PRDM14: variants seen among roughly 807,000 people sequenced by gnomAD.
PRDM14 encodes PR domain zinc finger protein 14.
Under a neutral mutation model 48.0 loss-of-function variants are expected in PRDM14, and 16 were observed. That is an observed-to-expected ratio of 0.33 (90% confidence interval 0.23 to 0.51). PRDM14 has a LOEUF of 0.51. PRDM14 is among the 20% of genes least tolerant of loss of function. PRDM14 has a pLI of 0.97. For missense variants in PRDM14, 566 were observed against 719.6 expected (o/e 0.79, Z 2.44); for synonymous variants, 264 against 276.6 (o/e 0.95, Z 0.45).
chr8:70,056,126 A>G (rs1805468228), intron 6 of PRDM14, among the ~76,000 whole-genome samples: 1 of 152,254 alleles, frequency 6.6e-6, no homozygotes, highest in Admixed American at 6.5e-5. Flanking sequence ...GTAAGCCAAC[A>G]TGGTAATGCA....
At chr8:70,057,835 A>G (rs888519852) in intron 6 of PRDM14, among the ~76,000 whole-genome samples, 2 of 152,204 alleles carry the variant, frequency 1.3e-5, no homozygotes, top group African/African-American at 4.8e-5. Flanking sequence ...GGAGTATATA[A>G]TATAGTGATT....
chr8:70,052,834 C>A (rs1805409244), intron 7 of PRDM14, among the ~76,000 whole-genome samples: 1 of 129,154 alleles, frequency 7.7e-6, no homozygotes, highest in East Asian at 2.2e-4. Flanking sequence ...CACTGTACTC[C>A]AGCCTGGGTG....
rs753184789 is a variant in PRDM14 at position 70,068,353 on chromosome 8, GA to G, written c.788del (p.Val263AlafsTer31). On this transcript the variant is annotated frameshift_variant, in exon 4 of 8. Transcript: ENST00000276594. LOFTEE classifies it high-confidence loss of function. ...TACTGCAGAACACACCAAAATGTGG[GA>G]CTTCACCAAACACCGTCTGCATGAG... Reference protein sequence around the residue: ...LCLMQTVFGEVPHFGVFCSSF... With the variant: ...LCLMQTVFGEXPHFGVFCSSF... 2 of 1,614,190 alleles carry G rather than the reference GA, an allele frequency of 1.2e-6. No individual in the cohort carries two copies. The highest frequency in any genetic ancestry group is 2.2e-5 in the South Asian group (2 of 91,084).
chr8:70,061,078 ATC>A (rs1653393488), intron 5 of PRDM14, among the ~76,000 whole-genome samples: 1 of 152,174 alleles, frequency 6.6e-6, no homozygotes, highest in South Asian at 2.1e-4. Flanking sequence ...TGAGAGGTAA[ATC>A]TGTTTTTATC....
chr8:70,066,213 C>T (rs772472615), intron 5 of PRDM14, 22 bp downstream of exon 5: 2 of 1,605,372 alleles, frequency 1.2e-6, no homozygotes, highest in East Asian at 2.2e-5. Flanking sequence ...CCTCATTGGG[C>T]AAGGCGAGGG....
intron 5 of PRDM14, among the ~76,000 whole-genome samples, chr8:70,064,090 T>A (rs1020025418): frequency 1.3e-5 from 2 of 152,134 alleles, no homozygotes; most frequent in African/African-American, 4.8e-5. Flanking sequence ...GGGCTTATGA[T>A]GGTTCAGTGG....
intron 2 of PRDM14, 44 bp downstream of exon 2, chr8:70,069,117 A>T (rs375522451): frequency 2.1e-6 from 3 of 1,415,318 alleles, no homozygotes; most frequent in Non-Finnish European, 2.8e-6. Flanking sequence ...TCCCGCCTGC[A>T]TTCCCGTCCA....
chr8:70,052,134 T>G lies in PRDM14; in HGVS notation c.1659A>C (p.Lys553Asn). 1 of 1,613,022 alleles carries G rather than the reference T, an allele frequency of 6.2e-7. No individual in the cohort carries two copies. The highest frequency in any genetic ancestry group is 8.5e-7 in the Non-Finnish European group (1 of 1,179,894). ...DDGCSCSICG[K>N]IFSDQETFYS... ...AGAATGTTTCTTGATCTGAGAAGATTTTCCCACAGATGCTGCATGAGCAGC... is the reference window on the plus strand; with the variant it reads ...AGAATGTTTCTTGATCTGAGAAGATGTTCCCACAGATGCTGCATGAGCAGC... Residue 553 changes from lysine to asparagine, a missense_variant, in exon 8 of 8, where the codon AAA becomes AAC. Physicochemically the swap from Lys to Asn is moderately conservative, Grantham distance 94 (BLOSUM62 0). Transcript: ENST00000276594.
At chr8:70,059,808 T>C (rs113018083) in intron 5 of PRDM14, among the ~76,000 whole-genome samples, 5 of 152,238 alleles carry the variant, frequency 3.3e-5, no homozygotes, top group Non-Finnish European at 7.4e-5. Flanking sequence ...AAAAGCATAA[T>C]TGTGACCAGG....
Position 70,052,210 on chromosome 8 carries a change from G to C in PRDM14, c.1583C>G (p.Ser528Cys), listed in dbSNP as rs770947642. ...KCKYCGKSFA[S>C]HAAHDSHVRR... ...GACATGGCTGTCATGGGCAGCATGG[G>C]ATGCAAAAGATTTACCACAGTACTT... Residue 528 changes from serine (S) to cysteine (C), a missense_variant, in exon 8 of 8, where the codon TCC (serine) becomes TGC (cysteine). Transcript: ENST00000276594. The C allele has an allele frequency of 6.2e-7, 1 of 1,614,056 alleles. No individual in the cohort carries two copies. The highest frequency in any genetic ancestry group is 8.5e-7 in the Non-Finnish European group (1 of 1,180,010).
At chr8:70,069,020 G>T in intron 2 of PRDM14, 141 bp downstream of exon 2, 1 of 667,188 alleles carries the variant, frequency 1.5e-6, no homozygotes, top group Non-Finnish European at 2.5e-6. Flanking sequence ...GCCTAGAACA[G>T]CCCTGGCTCT....
In PRDM14 at chr8:70,066,257, C is replaced by T. The variant is rs909536854; in HGVS notation, c.1161G>A (p.Lys387=). 6.8e-6 allele frequency: 11 copies of T among 1,613,658 alleles called. No homozygotes were observed. The highest frequency in any genetic ancestry group is 2.7e-5 in the African/African-American group (2 of 74,912). Residue 387 remains lysine, a synonymous_variant, in exon 5 of 8, where the codon AAG becomes AAA. Transcript: ENST00000276594. ...CACCTTCAGAGGGCCCAGATGGCTG[C>T]TTCCCCGGCTCTGTGACCTGAAGGC... The part of the protein sequence containing the change: ...PVSLQVTEPG[K]QPSGPSEESA...
chr8:70,055,591 G>C (rs1805460610), intron 6 of PRDM14, among the ~76,000 whole-genome samples, 190 bp from the exon 7 acceptor site: 1 of 151,422 alleles, frequency 6.6e-6, no homozygotes, highest in African/African-American at 2.4e-5. Flanking sequence ...CTGCAGCCTG[G>C]AACTCCCAGG....
rs141639653 is a variant in PRDM14, at chr8:70,053,509, G to C, written c.1489-1205C>G. ...AGGTTCAAGCGATTCTAGTGCCTCA[G>C]CCTCCCAAGTAGCTGGAATTACAGG... On this transcript the variant is annotated intron_variant, in intron 7 of 7. Transcript: ENST00000276594. Among the ~76,000 whole-genome samples, 844 of 152,206 alleles carry C rather than the reference G, an allele frequency of 5.5e-3. 6 individuals are homozygous for C. The highest frequency in any genetic ancestry group is 0.02 in the African/African-American group (810 of 41,532).
At chr8:70,070,468 C>G (rs1360411431) in intron 1 of PRDM14, among the ~76,000 whole-genome samples, 1 of 152,144 alleles carries the variant, frequency 6.6e-6, no homozygotes, top group Non-Finnish European at 1.5e-5. Flanking sequence ...CCAGAGCCCC[C>G]GGGCAGGTCC....
chr8:70,053,323 TTTC>T (rs145916259), intron 7 of PRDM14, among the ~76,000 whole-genome samples: 51,997 of 151,078 alleles, frequency 0.34, 9,222 homozygotes, highest in East Asian at 0.46. Flanking sequence ...CCTTACTGGT[TTTC>T]TTCTTCTTCT....
In PRDM14 at chr8:70,069,878, G is replaced by A. The variant is rs570957880; in HGVS notation, c.-18C>T. The stretch of plus-strand genomic sequence containing the variant: ...AGAGCCATCCCGGGACCGCACGCTC[G>A]GCGGCTCTGCAGAAAAGCGGGCGCC... On this transcript the variant is annotated 5_prime_UTR_variant, in exon 2 of 8. Coordinates refer to ENST00000276594, the MANE Select transcript of PRDM14 (RefSeq NM_024504.4). 5 of 1,552,310 alleles carry A rather than the reference G, an allele frequency of 3.2e-6. No individual in the cohort carries two copies. The highest frequency in any genetic ancestry group is 1.8e-4 in the Middle Eastern group (1 of 5,544).
chr8:70,058,715 G>A lies in PRDM14; in HGVS notation c.1311C>T (p.Cys437=). 1 of 1,614,132 alleles carries A rather than the reference G, an allele frequency of 6.2e-7. No individual in the cohort carries two copies. The highest frequency in any genetic ancestry group is 8.5e-7 in the Non-Finnish European group (1 of 1,180,002). Residue 437 remains cysteine, a synonymous_variant, in exon 6 of 8, where the codon TGC becomes TGT. Transcript: ENST00000276594. ...GGTCCCGCTTCTCAAAGGATCGTTT[G>A]CAGAGAGAACAGGGAAATTTCCTAT... is the stretch of plus-strand genomic sequence containing the variant. ...KGDRKFPCSL[C]KRSFEKRDRL...
At chr8:70,067,891 C>G (rs1805698152) in intron 4 of PRDM14, among the ~76,000 whole-genome samples, 1 of 151,998 alleles carries the variant, frequency 6.6e-6, no homozygotes. Flanking sequence ...TTTTTATTCT[C>G]TTTAGCATAG....
Sources: allele counts gnomAD v4.1 joint callset (sites outside exome capture counted in the v4.1 genomes callset), GRCh38; gene constraint gnomAD v4.1.1; transcripts MANE v1.5; gene names NCBI Gene and HGNC (gene_info 2026-07-23, HGNC 2026-07-21).